Variants in NAA60 observed in about 807,000 individuals in gnomAD.
The protein encoded by NAA60 is N-alpha-acetyltransferase 60.
Under a neutral mutation model 26.1 loss-of-function variants are expected in NAA60, and 8 were observed. The ratio of observed to expected loss-of-function variants is 0.31; its 90% CI spans 0.18 to 0.55. The LOEUF (loss-of-function observed/expected upper bound fraction) is 0.55, where lower values mean the gene tolerates loss of function less well. Among genes scored for constraint, NAA60 ranks in the 20% least tolerant of loss-of-function variants. The probability of loss-of-function intolerance (pLI) is 0.93; values close to 1 mark genes in which losing one functional copy is unlikely to be tolerated. For synonymous variants in NAA60, 131 were observed against 122.5 expected, an observed-to-expected ratio of 1.07 and a Z score of -0.46; for missense variants, 290 against 311.3, an observed-to-expected ratio of 0.93 and a Z score of 0.51.
chr16:3,477,437 G>A (rs948480177), intron 3 of NAA60, among the ~76,000 whole-genome samples: 1 of 152,222 alleles, frequency 6.6e-6, no homozygotes, highest in African/African-American at 2.4e-5. Flanking sequence ...AGGGACCCCT[G>A]TGCGTCTTTG....
intron 1 of NAA60, among the ~76,000 whole-genome samples, chr16:3,445,497 TC>T (rs1208525774): frequency 2.0e-5 from 3 of 151,778 alleles, no homozygotes; most frequent in African/African-American, 7.3e-5. Context: ...GCCAGGATGG[TC>T]TCGATCTCGT....
At chr16:3,449,654 C>A (rs957512363) in intron 2 of NAA60, among the ~76,000 whole-genome samples, 1 of 152,166 alleles carries the variant, frequency 6.6e-6, no homozygotes, top group African/African-American at 2.4e-5. Context: ...CACTGCACTC[C>A]AGCCTGGGTG....
At chr16:3,459,315 T>C (rs1329307327) in intron 2 of NAA60, among the ~76,000 whole-genome samples, 1 of 152,162 alleles carries the variant, frequency 6.6e-6, no homozygotes, top group Non-Finnish European at 1.5e-5. Context: ...ATGTAGAAAT[T>C]CTATGATATA....
intron 2 of NAA60, among the ~76,000 whole-genome samples, chr16:3,468,753 C>G (rs1415824530): frequency 6.6e-6 from 1 of 152,180 alleles, no homozygotes; most frequent in Non-Finnish European, 1.5e-5. Flanking sequence ...CAGGCTCGAG[C>G]CTTTGAAGCT....
rs114335414 is a variant in NAA60, at chr16:3,475,891, G to C, written c.-6-331G>C. The stretch of plus-strand genomic sequence containing the variant: ...AGGCTGGCTGGGGCCGTTGACCCTC[G>C]GAAGGACCACTGTCATAAGATGTGA... On this transcript the variant is annotated intron_variant, in intron 2 of 7. Coordinates refer to ENST00000407558, the MANE Select transcript of NAA60 (RefSeq NM_001083601.3). Among the ~76,000 whole-genome samples the C allele has an allele frequency of 3.4e-3, 515 of 152,334 alleles. 3 individuals are homozygous for C. The highest frequency in any genetic ancestry group is 0.012 in the African/African-American group (493 of 41,570).
chr16:3,449,841 G>C (rs1041543125), intron 2 of NAA60: 1 of 364,930 alleles, frequency 2.7e-6, no homozygotes, highest in Non-Finnish European at 4.9e-6. Context: ...TTTTTAAAAA[G>C]GGGAGTTTCC....
chr16:3,455,879 G>T (rs558462635), intron 2 of NAA60, among the ~76,000 whole-genome samples: 1 of 151,740 alleles, frequency 6.6e-6, no homozygotes, highest in Non-Finnish European at 1.5e-5. Context: ...GCTAATTTTT[G>T]TATTTTTAGT....
At chr16:3,453,461 T>G (rs2034863200) in intron 2 of NAA60, among the ~76,000 whole-genome samples, 1 of 151,878 alleles carries the variant, frequency 6.6e-6, no homozygotes, top group Non-Finnish European at 1.5e-5. Context: ...CAGGCTGGAG[T>G]GCAATGGCAT....
chr16:3,483,136 G>A (rs962468425), intron 5 of NAA60, among the ~76,000 whole-genome samples: 2 of 152,228 alleles, frequency 1.3e-5, no homozygotes, highest in African/African-American at 4.8e-5. Flanking sequence ...GCCCATGGGA[G>A]GGCGCTACCA....
chr16:3,458,779 C>T (rs936116570), intron 2 of NAA60, among the ~76,000 whole-genome samples: 3 of 152,210 alleles, frequency 2.0e-5, no homozygotes, highest in South Asian at 4.1e-4. Flanking sequence ...TGGCCCTTTA[C>T]AGACCGGCCC....
intron 2 of NAA60, among the ~76,000 whole-genome samples, chr16:3,460,666 G>A (rs547089561): frequency 2.6e-5 from 4 of 152,208 alleles, no homozygotes; most frequent in South Asian, 2.1e-4. Flanking sequence ...CATCCAGCCC[G>A]CCCTCATGGC....
chr16:3,477,592 G>C (rs1004115509), intron 3 of NAA60, among the ~76,000 whole-genome samples: 4 of 150,580 alleles, frequency 2.7e-5, no homozygotes, highest in Non-Finnish European at 4.4e-5. Flanking sequence ...CCTGAGGTCA[G>C]GAGTTCGAGA....
Position 3,485,028 on chromosome 16 carries a change from G to T in NAA60, c.*173G>T, listed in dbSNP as rs2074524. ...TACACGGGCTCGGGAACAGAACATC[G>T]TGGGCATGCGCAGAGCATGCCCATC... On this transcript the variant is annotated 3_prime_UTR_variant, in exon 7 of 8. Coordinates refer to ENST00000407558, the MANE Select transcript of NAA60 (RefSeq NM_001083601.3). 1 of 1,516,872 alleles carries T rather than the reference G, an allele frequency of 6.6e-7. No homozygotes were observed. Among genetic ancestry groups the T allele is most frequent in the Admixed American group, 2.0e-5 (1 of 50,114 alleles). The allele number at this position is 1,516,872 out of a possible 1,614,324, so 94.0% of individuals were successfully genotyped here.
intron 5 of NAA60, chr16:3,483,056 C>G (rs1469383759): frequency 1.9e-6 from 1 of 514,596 alleles, no homozygotes; most frequent in African/African-American, 1.9e-5. Flanking sequence ...CCAGGCCCAT[C>G]TAGTCCATGT....
chr16:3,477,235 T>C (rs1309102817), intron 3 of NAA60, among the ~76,000 whole-genome samples: 1 of 152,172 alleles, frequency 6.6e-6, no homozygotes, highest in Non-Finnish European at 1.5e-5. Flanking sequence ...GGTGGGTAGA[T>C]TAATATTAGG....
chr16:3,481,371 C>T (rs1022963411), intron 4 of NAA60, among the ~76,000 whole-genome samples: 2 of 152,210 alleles, frequency 1.3e-5, no homozygotes, highest in Non-Finnish European at 1.5e-5. Context: ...AGGTGTGAGC[C>T]ACCGTGCCCA....
intron 2 of NAA60, among the ~76,000 whole-genome samples, chr16:3,457,564 G>A (rs1165569232): frequency 6.6e-6 from 1 of 152,270 alleles, no homozygotes; most frequent in African/African-American, 2.4e-5. Context: ...TCGGACGGCT[G>A]AGAATCCAGT....
intron 1 of NAA60, among the ~76,000 whole-genome samples, 198 bp from the exon 2 acceptor site, chr16:3,448,273 C>CAAAA (rs34119288): frequency 3.4e-5 from 4 of 118,690 alleles, no homozygotes; most frequent in Admixed American, 1.7e-4. Context: ...GACCTTGTCT[C>CAAAA]AAAAAAAAAA....
At chr16:3,448,345 C>A in intron 1 of NAA60, 126 bp from the exon 2 acceptor site, 2 of 591,220 alleles carry the variant, frequency 3.4e-6, no homozygotes, top group Non-Finnish European at 5.6e-6. Flanking sequence ...GTTAATTTTT[C>A]CCCAAAAGGG....
Sources: gnomAD v4.1 joint callset for allele counts (sites outside exome capture counted in the v4.1 genomes callset) on GRCh38, gnomAD v4.1.1 for gene constraint, MANE v1.5 for transcripts, NCBI Gene and HGNC (gene_info 2026-07-23, HGNC 2026-07-21) for gene names.